The following ERI3 variants were observed in gnomAD, a reference collection of about 807,000 sequenced individuals.
ERI3 encodes the protein ERI1 exoribonuclease 3.
Under a neutral mutation model 44.4 loss-of-function variants are expected in ERI3, and 18 were observed. The observed-to-expected ratio is 0.41, with a 90% CI of 0.28 to 0.60. The LOEUF (loss-of-function observed/expected upper bound fraction) is 0.60. Among genes scored for constraint, ERI3 ranks in the 20% least tolerant of loss-of-function variants. The probability of loss-of-function intolerance (pLI) is 0.36; values close to 1 mark genes in which losing one functional copy is unlikely to be tolerated. For synonymous variants in ERI3, 183 were observed against 164.8 expected, an observed-to-expected ratio of 1.11 and a Z score of -0.84; for missense variants, 294 against 435.5, an observed-to-expected ratio of 0.68 and a Z score of 2.89.
intron 3 of ERI3, among the ~76,000 whole-genome samples, chr1:44,334,329 T>A (rs1259266142): frequency 6.6e-6 from 1 of 152,182 alleles, no homozygotes; most frequent in Non-Finnish European, 1.5e-5. Flanking sequence ...CAATTAAAGA[T>A]CCCACCAAAG....
chr1:44,293,005 C>T (rs1281408246), intron 6 of ERI3, among the ~76,000 whole-genome samples: 6 of 152,240 alleles, frequency 3.9e-5, no homozygotes, highest in Non-Finnish European at 7.3e-5. Flanking sequence ...AAGCCGACAG[C>T]GAGCGCCTCT....
intron 8 of ERI3, among the ~76,000 whole-genome samples, chr1:44,229,582 G>A (rs776176422): frequency 3.9e-5 from 6 of 152,104 alleles, no homozygotes; most frequent in South Asian, 2.1e-4. Flanking sequence ...CACAGGGTGC[G>A]GGCAGGACCT....
At chr1:44,333,885 A>G (rs550702679) in intron 3 of ERI3, among the ~76,000 whole-genome samples, 3 of 152,328 alleles carry the variant, frequency 2.0e-5, no homozygotes, top group Non-Finnish European at 4.4e-5. Context: ...CTTTACTCAT[A>G]GTTCTAACTC....
Position 44,247,971 on chromosome 1 carries a change from A to C in ERI3, c.899T>G (p.Leu300Arg). ...GLLDMNKGLS[L>R]QHIGRPHSGI... is the part of the protein sequence containing the mutation. ...GCTGTGGGGCCGGCCTATGTGTTGC[A>C]GGCTGAGGCCCTTGTTCATGTCTAG... The change falls in exon 8 of 9, where the codon CTG becomes CGG. Residue 300 changes from leucine (L) to arginine (R), a missense_variant. Around this residue, in one of 2 missense-constraint regions of ERI3, gnomAD observed 187 missense variants for 338.6 expected, o/e 0.55. Transcript: ENST00000372257. The C allele has an allele frequency of 6.2e-7, 1 of 1,612,762 alleles. No individual in the cohort carries two copies. The highest frequency in any genetic ancestry group is 8.5e-7 in the Non-Finnish European group (1 of 1,179,424).
At chr1:44,278,169 C>T (rs1436487366) in intron 7 of ERI3, among the ~76,000 whole-genome samples, 2 of 152,084 alleles carry the variant, frequency 1.3e-5, no homozygotes, top group Admixed American at 6.6e-5. Context: ...AATTGGGATG[C>T]TAAATCTTCA....
At chr1:44,310,925 C>G (rs1305193678) in intron 5 of ERI3, among the ~76,000 whole-genome samples, 1 of 150,850 alleles carries the variant, frequency 6.6e-6, no homozygotes, top group Non-Finnish European at 1.5e-5. Flanking sequence ...TCTCCTCTGA[C>G]CCAACTCCTT....
intron 7 of ERI3, among the ~76,000 whole-genome samples, chr1:44,282,251 T>C (rs1028597089): frequency 6.6e-6 from 1 of 152,110 alleles, no homozygotes; most frequent in Non-Finnish European, 1.5e-5. Context: ...TCATGCCCAG[T>C]TGCTCACTCA....
chr1:44,299,275 T>G (rs1645674870), intron 6 of ERI3, among the ~76,000 whole-genome samples: 1 of 152,246 alleles, frequency 6.6e-6, no homozygotes, highest in South Asian at 2.1e-4. Context: ...CTCAAACTCC[T>G]GGGATCAAGC....
At chr1:44,239,221 T>G (rs901850835) in intron 8 of ERI3, among the ~76,000 whole-genome samples, 1 of 152,048 alleles carries the variant, frequency 6.6e-6, no homozygotes, top group African/African-American at 2.4e-5. Flanking sequence ...AGTAGGTGCT[T>G]ATGTGCAAGA....
At chr1:44,234,885 C>T (rs902738503) in intron 8 of ERI3, among the ~76,000 whole-genome samples, 3 of 151,948 alleles carry the variant, frequency 2.0e-5, no homozygotes, top group African/African-American at 7.2e-5. Context: ...TGGGATTACA[C>T]GCGTGTGCCA....
chr1:44,245,577 C>T (rs530744852), intron 8 of ERI3, among the ~76,000 whole-genome samples: 2 of 152,346 alleles, frequency 1.3e-5, no homozygotes, highest in East Asian at 3.9e-4. Flanking sequence ...CTACTTCTGG[C>T]TCCAAAGCCC....
At chr1:44,222,280 C>T (rs1376864497) in intron 8 of ERI3, among the ~76,000 whole-genome samples, 1 of 152,230 alleles carries the variant, frequency 6.6e-6, no homozygotes, top group African/African-American at 2.4e-5. Flanking sequence ...CTGTGGAGCT[C>T]CGACAGGATG....
At chr1:44,315,848 G>A (rs542675356) in intron 4 of ERI3, among the ~76,000 whole-genome samples, 1 of 152,344 alleles carries the variant, frequency 6.6e-6, no homozygotes, top group South Asian at 2.1e-4. Context: ...GACAAAGAAG[G>A]GATGAAATTA....
At position 44,221,990 on chromosome 1, in the gene ERI3, CCTT is replaced by C. The variant is rs1643910108; in HGVS notation, c.932-353_932-351del. ...TGACGGCCCCCGGCCGCTGGGCGAT[CCTT>C]CTTGTTGCTGCCGCGTGGGGACGGC... On this transcript the variant is annotated intron_variant, in intron 8 of 8. Coordinates refer to ENST00000372257, the MANE Select transcript of ERI3 (RefSeq NM_024066.3). This position sits in a 1 kb window ranked among gnomAD's most constrained non-coding sequence, Gnocchi z 5.9. Among the ~76,000 whole-genome samples, 1 of 152,248 alleles carries C rather than the reference CCTT, an allele frequency of 6.6e-6. No individual in the cohort carries two copies. Among genetic ancestry groups the C allele is most frequent in the Non-Finnish European group, 1.5e-5 (1 of 68,048 alleles).
chr1:44,245,526 C>A (rs991660530), intron 8 of ERI3, among the ~76,000 whole-genome samples: 1 of 152,188 alleles, frequency 6.6e-6, no homozygotes, highest in Non-Finnish European at 1.5e-5. Flanking sequence ...TGGCATTGTC[C>A]TTCATCTAAG....
At chr1:44,353,704 A>G (rs1173837315) in intron 1 of ERI3, 5 of 985,360 alleles carry the variant, frequency 5.1e-6, no homozygotes, top group Non-Finnish European at 6.0e-6. Context: ...TTGGAAGAAA[A>G]GCTCTTAGCC....
At chr1:44,344,628 A>G in intron 2 of ERI3, among the ~76,000 whole-genome samples, 1 of 152,260 alleles carries the variant, frequency 6.6e-6, no homozygotes, top group East Asian at 1.9e-4. Flanking sequence ...TTTAGTCACA[A>G]ATTTGCAGGC....
At chr1:44,250,365 C>T (rs951467651) in intron 7 of ERI3, among the ~76,000 whole-genome samples, 1 of 152,170 alleles carries the variant, frequency 6.6e-6, no homozygotes, top group Admixed American at 6.5e-5. Context: ...CTTCAGATAA[C>T]ATTAGATGCT....
chr1:44,323,727 T>C (rs1646250198), intron 3 of ERI3, among the ~76,000 whole-genome samples: 1 of 152,350 alleles, frequency 6.6e-6, no homozygotes, highest in African/African-American at 2.4e-5. Flanking sequence ...ACTCATGAGG[T>C]GGGAATCATA....
Sources: gnomAD v4.1 joint callset for allele counts (sites outside exome capture counted in the v4.1 genomes callset) on GRCh38, gnomAD v4.1.1 for gene constraint, gnomAD v4.1.1 regional missense constraint, Gnocchi (gnomAD v3.1) non-coding constraint, MANE v1.5 for transcripts, NCBI Gene and HGNC (gene_info 2026-07-23, HGNC 2026-07-21) for gene names.